DGKZ: variants seen among roughly 807,000 people sequenced by gnomAD.
The protein encoded by DGKZ is DAG kinase zeta.
Under a neutral mutation model 142.5 loss-of-function variants are expected in DGKZ, and 45 were observed. That is an observed-to-expected ratio of 0.32 (90% CI 0.25 to 0.40). The LOEUF is 0.40. Ranked by LOEUF, DGKZ falls within the 10% of genes least tolerant of loss-of-function variation. The probability of loss-of-function intolerance (pLI) is 1.00; values close to 1 mark genes in which losing one functional copy is unlikely to be tolerated. For synonymous variants in DGKZ, 442 were observed against 527.0 expected (o/e 0.84, Z 2.21); for missense variants, 755 against 1,306.5 (o/e 0.58, Z 6.51).
chr11:46,374,822 T>G (rs1944358115), exon 18 of DGKZ: 6 of 1,598,308 alleles, frequency 3.8e-6, no homozygotes, highest in Non-Finnish European at 5.1e-6. Flanking sequence ...AGTGTGTTGT[T>G]TTCCTGAACA....
chr11:46,337,806 G>A (rs1239543010), intron 1 of DGKZ, among the ~76,000 whole-genome samples: 2 of 152,126 alleles, frequency 1.3e-5, no homozygotes, highest in Non-Finnish European at 2.9e-5. Context: ...TGGAGGGAGG[G>A]GGTGTCCAAT....
intron 1 of DGKZ, chr11:46,366,676 A>G (rs1345284652): frequency 6.3e-7 from 1 of 1,582,034 alleles, no homozygotes; most frequent in Admixed American, 1.8e-5. Context: ...GCACCAAGAC[A>G]CCAGGGCCAC....
At chr11:46,366,183 G>C in intron 1 of DGKZ, 1 of 1,445,256 alleles carries the variant, frequency 6.9e-7, no homozygotes, top group Non-Finnish European at 9.0e-7. Context: ...TGGGCTCCCG[G>C]ACACAGGACA....
chr11:46,379,640 G>A (rs769253535), intron 30 of DGKZ, 72 bp downstream of exon 30: 205 of 1,385,542 alleles, frequency 1.5e-4, no homozygotes, highest in Non-Finnish European at 1.9e-4. Context: ...GGCGGGAGCT[G>A]GGGCTGGGGG....
Position 46,372,672 on chromosome 11 carries a change from G to A in DGKZ, c.1066G>A (p.Gly356Ser). The A allele has an allele frequency of 6.2e-7, 1 of 1,613,266 alleles. No individual in the cohort carries two copies. Among genetic ancestry groups the A allele is most frequent in the Non-Finnish European group, 8.5e-7 (1 of 1,179,924 alleles). The stretch of plus-strand genomic sequence containing the variant: ...GCGGATCCTGGCGTGCGGGGGCGAC[G>A]GCACGGTGAGCTCCCCGCATGGGCC... Residue 356 changes from glycine to serine, a missense_variant, in exon 12 of 31, where the codon GGC (glycine) becomes AGC (serine). By Grantham distance (56) the Gly-to-Ser change is moderately conservative (BLOSUM62 0). Coordinates refer to ENST00000527911, the Ensembl canonical transcript of DGKZ. This position sits in a 1 kb window ranked among gnomAD's most constrained non-coding sequence, Gnocchi z 5.9.
At chr11:46,347,433 G>C, upstream of DGKZ, 1 of 982,832 alleles carries the variant, frequency 1.0e-6, no homozygotes, top group Non-Finnish European at 1.2e-6. The surrounding 1 kb of genome is among the most constrained non-coding windows in gnomAD (Gnocchi z 6.4). Flanking sequence ...GGCCCGGCCA[G>C]CTATGCGGGG....
Position 46,375,927 on chromosome 11 carries a change from G to C in DGKZ, c.1987G>C (p.Asp663His), listed in dbSNP as rs368562103. ...GCACGACTATGAGGCCCTGCACTAC[G>C]ACAAGGAGCAGCTCAAGGAGGCCTG... The change falls in exon 21 of 31, where the codon GAC becomes CAC. Residue 663 changes from aspartate to histidine, a missense_variant. Asp to His is a moderately conservative substitution (Grantham distance 81). Around this residue, in one of 8 missense-constraint regions of DGKZ, gnomAD observed 114 missense variants for 180.9 expected, o/e 0.63. Coordinates refer to ENST00000527911, the Ensembl canonical transcript of DGKZ. 19 of 1,604,822 alleles carry C rather than the reference G, an allele frequency of 1.2e-5. No homozygotes were observed. The African/African-American group carries it at 2.3e-4, about 19-fold the overall frequency.
chr11:46,367,354 G>T lies in DGKZ; in HGVS notation c.225G>T (p.Pro75=), dbSNP rs1264541417. Residue 75 remains proline, a synonymous_variant, in exon 2 of 31, where the codon CCG becomes CCT. Coordinates refer to ENST00000527911, the Ensembl canonical transcript of DGKZ. This position sits in a 1 kb window ranked among gnomAD's most constrained non-coding sequence, Gnocchi z 4.1. ...CCCCTCCGCCCACCCCTGGGGCCCC[G>T]TGCAGCGAGTCAGAGCGGCAGATCC... The T allele has an allele frequency of 1.2e-6, 2 of 1,613,164 alleles. No individual in the cohort carries two copies. Among genetic ancestry groups the T allele is most frequent in the Non-Finnish European group, 1.7e-6 (2 of 1,179,986 alleles).
chr11:46,369,342 A>G, intron 4 of DGKZ, 152 bp from the exon 5 acceptor site: 3 of 818,290 alleles, frequency 3.7e-6, no homozygotes, highest in Non-Finnish European at 6.1e-6. Context: ...GGCTTCTCAC[A>G]GGAGGTGTCT....
chr11:46,342,871 C>A (rs1940342258), upstream of DGKZ, among the ~76,000 whole-genome samples: 1 of 152,162 alleles, frequency 6.6e-6, no homozygotes, highest in Non-Finnish European at 1.5e-5. Context: ...TGCCTGTAAT[C>A]CCAGGACTTT....
At chr11:46,374,122 C>A (rs1364814956) in intron 14 of DGKZ, 35 bp from the exon 15 acceptor site, 1 of 1,611,500 alleles carries the variant, frequency 6.2e-7, no homozygotes, top group African/African-American at 1.3e-5. Flanking sequence ...TTTGTGAGGC[C>A]CAGCCCTCAT....
chr11:46,342,349 AG>A (rs1940320645), intron 1 of DGKZ, among the ~76,000 whole-genome samples: 1 of 152,218 alleles, frequency 6.6e-6, no homozygotes, highest in Non-Finnish European at 1.5e-5. Flanking sequence ...TCTCACAGTC[AG>A]GACTGCCCTG....
Position 46,372,303 on chromosome 11 carries a change from C to A in DGKZ, c.928-125C>A. 1 of 1,338,930 alleles carries A rather than the reference C, an allele frequency of 7.5e-7. No homozygotes were observed. The highest frequency in any genetic ancestry group is 1.0e-6 in the Non-Finnish European group (1 of 961,848). The allele number at this position is 1,338,930 out of a possible 1,614,324, so 82.9% of individuals were successfully genotyped here. A position where few individuals can be genotyped will look rare whatever the true frequency, so the allele number is the denominator to read the frequency against. On this transcript the variant is annotated intron_variant, in intron 10 of 30. Coordinates refer to ENST00000527911, the Ensembl canonical transcript of DGKZ. This position sits in a 1 kb window ranked among gnomAD's most constrained non-coding sequence, Gnocchi z 5.9. ...TCTTTCCCAGGGATCCTGAGAAAAT[C>A]CTGTCCTTTCTCCACCCCTCACCCC...
Position 46,379,960 on chromosome 11 carries a change from G to C in DGKZ, c.*13G>C, listed in dbSNP as rs763001808. The C allele has an allele frequency of 1.9e-6, 3 of 1,596,400 alleles. 1 individual carries two copies. Among genetic ancestry groups the C allele is most frequent in the South Asian group, 2.2e-5 (2 of 88,904 alleles). ...GACGGCTGTGTAGCGGGCCGCCCACGGGCAGCAGGAGGGACAATGCGGCCA... is the reference window on the plus strand; with the variant it reads ...GACGGCTGTGTAGCGGGCCGCCCACCGGCAGCAGGAGGGACAATGCGGCCA... On this transcript the variant is annotated 3_prime_UTR_variant, in exon 31 of 31. Transcript: ENST00000527911.
chr11:46,356,016 G>A lies in DGKZ; in HGVS notation c.161+8196G>A, dbSNP rs569331986. Reference sequence around the variant, plus strand: ...CCGCCTCAGCCTCCCAAAGTGCTGGGATTACAGGCATGAGCCACCCGCCCG... The same window carrying A: ...CCGCCTCAGCCTCCCAAAGTGCTGGAATTACAGGCATGAGCCACCCGCCCG... On this transcript the variant is annotated intron_variant, in intron 1 of 30. Coordinates refer to ENST00000527911, the Ensembl canonical transcript of DGKZ. 2.6e-5 allele frequency among the ~76,000 whole-genome samples: 4 copies of A among 152,340 alleles called. No homozygotes were observed. In the East Asian group the frequency reaches 7.7e-4, roughly 29 times the overall value.
rs1244953547 is a variant in DGKZ, at chr11:46,367,495, A to G, written c.270+96A>G. 1.4e-6 allele frequency: 2 copies of G among 1,423,962 alleles called. No individual in the cohort carries two copies. The highest frequency in any genetic ancestry group is 1.4e-5 in the African/African-American group (1 of 70,272). 88.2% of individuals were successfully genotyped at this position (1,423,962 alleles called of 1,614,324 possible). ...GCACTAAAGGCAGCTGGGAGAGCCA[A>G]GCCTGGAAGGGTTGGGACAGTGGGG... On this transcript the variant is annotated intron_variant, in intron 2 of 30. Coordinates refer to ENST00000527911, the Ensembl canonical transcript of DGKZ. The surrounding 1 kb of genome is among the most constrained non-coding windows in gnomAD (Gnocchi z 4.1).
chr11:46,336,776 A>C (rs188140858), intron 1 of DGKZ, among the ~76,000 whole-genome samples: 2 of 151,964 alleles, frequency 1.3e-5, no homozygotes, highest in African/African-American at 4.8e-5. Context: ...CTGGTCTCGA[A>C]CTCCTGGGCT....
At chr11:46,374,645 G>T in exon 17 of DGKZ, 1 of 1,585,672 alleles carries the variant, frequency 6.3e-7, no homozygotes, top group African/African-American at 1.3e-5. Flanking sequence ...CCAAGGACCT[G>T]GCCAAGCACA....
chr11:46,371,453 G>T lies in DGKZ; in HGVS notation c.643-34G>T, dbSNP rs199541782. On this transcript the variant is annotated intron_variant, in intron 7 of 30. Transcript: ENST00000527911. ...GGTTTGGGTCCCCGAGTCTGAACAC[G>T]GTCCCGCTGAGCCCGGCCCCTCGCT... 100 of 1,604,350 alleles carry T rather than the reference G, an allele frequency of 6.2e-5. No homozygotes were observed. The African/African-American group carries it at 1.3e-3, about 21-fold the overall frequency.
Sources: allele counts gnomAD v4.1 joint callset (sites outside exome capture counted in the v4.1 genomes callset), GRCh38; gene constraint gnomAD v4.1.1; regional missense constraint gnomAD v4.1.1; non-coding constraint Gnocchi (gnomAD v3.1); transcripts MANE v1.5; gene names NCBI Gene and HGNC (gene_info 2026-07-23, HGNC 2026-07-21).